Variants in LRRC8D observed in about 807,000 individuals in gnomAD.
The protein encoded by LRRC8D is volume-regulated anion channel subunit LRRC8D.
In LRRC8D, 20 loss-of-function variants were observed where a neutral mutation model predicts 55.8. The observed-to-expected ratio is 0.36, with a 90% CI of 0.25 to 0.52. The LOEUF is 0.52. Ranked by LOEUF, LRRC8D falls within the 20% of genes least tolerant of loss-of-function variation. The probability of loss-of-function intolerance (pLI) is 0.93; values close to 1 mark genes in which losing one functional copy is unlikely to be tolerated. For synonymous variants in LRRC8D, 352 were observed against 377.0 expected (o/e 0.93, Z 0.77); for missense variants, 651 against 1,030.8 (o/e 0.63, Z 5.05).
chr1:89,905,454 A>T (rs945721135), intron 2 of LRRC8D, among the ~76,000 whole-genome samples: 1 of 152,206 alleles, frequency 6.6e-6, no homozygotes, highest in African/African-American at 2.4e-5. Context: ...TCTTTAATAA[A>T]TATTCACTGA....
At chr1:89,847,397 T>G (rs1661306772) in intron 2 of LRRC8D, among the ~76,000 whole-genome samples, 1 of 152,162 alleles carries the variant, frequency 6.6e-6, no homozygotes, top group East Asian at 1.9e-4. Flanking sequence ...TGAGAGCTCA[T>G]TGTTTTGTAA....
chr1:89,869,560 C>T (rs1661943048), intron 2 of LRRC8D, among the ~76,000 whole-genome samples: 1 of 152,080 alleles, frequency 6.6e-6, no homozygotes, highest in Non-Finnish European at 1.5e-5. Context: ...GGAGAACTTC[C>T]CCAACCTAGC....
chr1:89,846,004 C>T (rs1172012122), intron 2 of LRRC8D, among the ~76,000 whole-genome samples: 3 of 152,152 alleles, frequency 2.0e-5, no homozygotes, highest in Admixed American at 6.5e-5. Context: ...TGGTCTAGAA[C>T]TCCTCACCCC....
chr1:89,906,330 A>G (rs577552686), intron 2 of LRRC8D, among the ~76,000 whole-genome samples: 148 of 152,354 alleles, frequency 9.7e-4, no homozygotes, highest in African/African-American at 3.4e-3. Flanking sequence ...GTCAACAGTC[A>G]GCTCAAACAG....
intron 2 of LRRC8D, among the ~76,000 whole-genome samples, chr1:89,909,342 A>G (rs937501146): frequency 6.6e-6 from 1 of 152,018 alleles, no homozygotes; most frequent in Admixed American, 6.5e-5. Context: ...CTTCTCACAT[A>G]TCATTGTTTA....
chr1:89,916,653 TCTC>T (rs1663275971), intron 2 of LRRC8D, among the ~76,000 whole-genome samples: 1 of 152,218 alleles, frequency 6.6e-6, no homozygotes, highest in East Asian at 1.9e-4. Context: ...TAACTCTGTG[TCTC>T]CTCATCTTTT....
rs1663790852 is a variant in LRRC8D at position 89,934,636 on chromosome 1, G to T, written c.1568G>T (p.Cys523Phe). 6.2e-7 allele frequency: 1 copy of T among 1,614,134 alleles called. No homozygotes were observed. Among genetic ancestry groups the T allele is most frequent in the Non-Finnish European group, 8.5e-7 (1 of 1,180,024 alleles). Reference sequence around the variant, plus strand: ...CTCCAAGAGCTCCACCTCTGCCACTGCCCTGCAAAAGTTGAACAGACTGCT... The same window carrying T: ...CTCCAAGAGCTCCACCTCTGCCACTTCCCTGCAAAAGTTGAACAGACTGCT... ...TNLQELHLCH[C>F]PAKVEQTAFS... Residue 523 changes from cysteine (C) to phenylalanine (F), a missense_variant, in exon 3 of 3, where the codon TGC (cysteine) becomes TTC (phenylalanine). By Grantham distance (205) the Cys-to-Phe change is radical. Transcript: ENST00000337338. This position sits in a 1 kb window ranked among gnomAD's most constrained non-coding sequence, Gnocchi z 5.9.
intron 2 of LRRC8D, among the ~76,000 whole-genome samples, chr1:89,922,498 A>G (rs775148552): frequency 2.0e-5 from 3 of 152,264 alleles, no homozygotes; most frequent in Non-Finnish European, 4.4e-5. Context: ...GAATTGGTCT[A>G]GTCATCTTCA....
chr1:89,855,672 C>A (rs1661534702), intron 2 of LRRC8D, among the ~76,000 whole-genome samples: 1 of 152,210 alleles, frequency 6.6e-6, no homozygotes, highest in Non-Finnish European at 1.5e-5. Context: ...GCCTCTCCAC[C>A]TCTTTGCTCT....
chr1:89,899,976 CAA>C (rs1388002483), intron 2 of LRRC8D, among the ~76,000 whole-genome samples: 1 of 152,156 alleles, frequency 6.6e-6, no homozygotes, highest in East Asian at 1.9e-4. Context: ...CCTGGGGAAA[CAA>C]ACGTGAATGA....
rs74098619 is a variant in LRRC8D at position 89,888,507 on chromosome 1, G to A, written c.-2-44560G>A. ...TAGATATGTGTATATACACAAGTTA[G>A]TACGCACACAATTTCTTCGCTGTGT... is the stretch of plus-strand genomic sequence containing the variant. On this transcript the variant is annotated intron_variant, in intron 2 of 2. Coordinates refer to ENST00000337338, the MANE Select transcript of LRRC8D (RefSeq NM_001134479.2). Among the ~76,000 whole-genome samples, 1,103 of 152,328 alleles carry A rather than the reference G, an allele frequency of 7.2e-3. 12 individuals carry two copies. Among genetic ancestry groups the A allele is most frequent in the African/African-American group, 0.026 (1,072 of 41,568 alleles).
intron 2 of LRRC8D, among the ~76,000 whole-genome samples, chr1:89,862,860 A>G (rs561855335): frequency 6.6e-6 from 1 of 152,238 alleles, no homozygotes; most frequent in South Asian, 2.1e-4. Flanking sequence ...ATCTGGCCTG[A>G]CCCCTTGGCT....
chr1:89,923,108 C>A (rs980539253), intron 2 of LRRC8D, among the ~76,000 whole-genome samples: 1 of 152,186 alleles, frequency 6.6e-6, no homozygotes, highest in Admixed American at 6.5e-5. Flanking sequence ...CAATAACTTT[C>A]CCTTTTCAGT....
Position 89,934,079 on chromosome 1 carries a change from C to T in LRRC8D, c.1011C>T (p.His337=), listed in dbSNP as rs753689659. The change falls in exon 3 of 3, where the codon CAC becomes CAT. Residue 337 remains histidine (H), a synonymous_variant. Transcript: ENST00000337338. The surrounding 1 kb of genome is among the most constrained non-coding windows in gnomAD (Gnocchi z 5.9). ...ANFVNAISFE[H]VCKPKVEHLI... is the part of the protein sequence containing the mutation. ...TTGTCAACGCAATCAGCTTTGAACA[C>T]GTCTGCAAGCCCAAAGTTGAGCATC... The T allele has an allele frequency of 1.3e-5, 21 of 1,614,074 alleles. No individual in the cohort carries two copies. The highest frequency in any genetic ancestry group is 1.1e-4 in the East Asian group (5 of 44,890).
At chr1:89,835,242 C>T (rs942187608) in intron 1 of LRRC8D, among the ~76,000 whole-genome samples, 3 of 152,074 alleles carry the variant, frequency 2.0e-5, no homozygotes, top group East Asian at 1.9e-4. Flanking sequence ...GGGAAGGGTT[C>T]TAGAGGGCAT....
intron 2 of LRRC8D, among the ~76,000 whole-genome samples, chr1:89,860,785 A>AAAAAAAAAAATATATAT (rs1553123917): frequency 3.5e-5 from 1 of 28,198 alleles, no homozygotes; most frequent in African/African-American, 1.0e-4. Flanking sequence ...AAAAAAAAAA[A>AAAAAAAAAAATATATAT]ATATATATAT....
At chr1:89,849,669 G>A (rs1389917464) in intron 2 of LRRC8D, among the ~76,000 whole-genome samples, 1 of 151,968 alleles carries the variant, frequency 6.6e-6, no homozygotes, top group Non-Finnish European at 1.5e-5. Flanking sequence ...TCCATGAATT[G>A]TCTTTTTATG....
intron 2 of LRRC8D, among the ~76,000 whole-genome samples, chr1:89,927,882 G>A (rs1663608298): frequency 6.6e-6 from 1 of 152,154 alleles, no homozygotes; most frequent in East Asian, 1.9e-4. Flanking sequence ...CTAGTACAGT[G>A]CTTGCCACGT....
chr1:89,915,678 C>A (rs78627282), intron 2 of LRRC8D, among the ~76,000 whole-genome samples: 2,659 of 152,264 alleles, frequency 0.017, 83 homozygotes, highest in African/African-American at 0.06. Context: ...AATGTCCTTT[C>A]CTCTGTGGGC....
Sources: allele counts gnomAD v4.1 joint callset (sites outside exome capture counted in the v4.1 genomes callset), GRCh38; gene constraint gnomAD v4.1.1; non-coding constraint Gnocchi (gnomAD v3.1); transcripts MANE v1.5; gene names NCBI Gene and HGNC (gene_info 2026-07-23, HGNC 2026-07-21).